The following ZNF20 variants were observed in gnomAD, a reference collection of about 807,000 sequenced individuals.
ZNF20 encodes the protein zinc finger protein 20, also known as zinc finger protein KOX13.
Under a neutral mutation model 11.0 loss-of-function variants are expected in ZNF20, and 9 were observed. The ratio of observed to expected loss-of-function variants is 0.82; its 90% CI spans 0.49 to 1.43. ZNF20 has a LOEUF of 1.43. Ranked by LOEUF, ZNF20 falls within the 40% of genes most tolerant of loss-of-function variation. The pLI is 0.00. For missense variants in ZNF20, 528 were observed against 640.8 expected (o/e 0.82, Z 1.90); for synonymous variants, 182 against 213.0 (o/e 0.85, Z 1.27).
Position 12,134,045 on chromosome 19 carries a change from C to T in ZNF20, c.201-60G>A, listed in dbSNP as rs979666549. On this transcript the variant is annotated intron_variant, in intron 3 of 3. Coordinates refer to ENST00000334213, the MANE Select transcript of ZNF20 (RefSeq NM_021143.4). ...TTTGATTAAAAGTGACTTATAGGGC[C>T]GGGCACAGTGGCTCACTCCTGTAAT... 67 of 1,438,582 alleles carry T rather than the reference C, an allele frequency of 4.7e-5. No individual in the cohort carries two copies. The African/African-American group carries it at 6.2e-4, about 13-fold the overall frequency. The allele number at this position is 1,438,582 out of a possible 1,614,324, so 89.1% of individuals were successfully genotyped here.
intron 1 of ZNF20, 148 bp from the exon 2 acceptor site, chr19:12,136,052 C>T: frequency 9.5e-7 from 1 of 1,050,756 alleles, no homozygotes; most frequent in Non-Finnish European, 1.3e-6. Flanking sequence ...TACTCACGTC[C>T]TCCCACAAAC....
Position 12,132,459 on chromosome 19 carries a change from A to C in ZNF20, c.*128T>G. 2 of 928,496 alleles carry C rather than the reference A, an allele frequency of 2.2e-6. No individual in the cohort carries two copies. The highest frequency in any genetic ancestry group is 3.2e-6 in the Non-Finnish European group (2 of 618,222). The allele number at this position is 928,496 out of a possible 1,614,324, so 57.5% of individuals were successfully genotyped here. ...AAGTTCTTCTAGATTTTATTGTCCTATCGCAAGTCTCTCTTCTCAATTCAA... is the reference window on the plus strand; with the variant it reads ...AAGTTCTTCTAGATTTTATTGTCCTCTCGCAAGTCTCTCTTCTCAATTCAA... On this transcript the variant is annotated 3_prime_UTR_variant, in exon 4 of 4. Transcript: ENST00000334213.
At position 12,132,988 on chromosome 19, in the gene ZNF20, A is replaced by G. The variant is rs1299363512; in HGVS notation, c.1198T>C (p.Cys400Arg). The change falls in exon 4 of 4, where the codon TGT becomes CGT. Residue 400 changes from cysteine (C) to arginine (R), a missense_variant. Transcript: ENST00000334213. Reference sequence around the variant, plus strand: ...GAAAAATACTTGAATACTTTTCCACATTCCTTACATTCATGGGGTTTCTCT... The same window carrying G: ...GAAAAATACTTGAATACTTTTCCACGTTCCTTACATTCATGGGGTTTCTCT... ...SGEKPHECKECGKVFKYFSSL... is the reference protein window; with the variant it reads ...SGEKPHECKERGKVFKYFSSL... The G allele has an allele frequency of 6.2e-7, 1 of 1,614,044 alleles. No homozygotes were observed. Among genetic ancestry groups the G allele is most frequent in the Non-Finnish European group, 8.5e-7 (1 of 1,179,946 alleles).
At chr19:12,136,268 C>T (rs1019247567) in intron 1 of ZNF20, among the ~76,000 whole-genome samples, 11 of 151,548 alleles carry the variant, frequency 7.3e-5, no homozygotes, top group African/African-American at 1.5e-4. Context: ...CCCAGCTACT[C>T]GGGAGGCTGA....
Position 12,133,964 on chromosome 19 carries a change from A to G in ZNF20, c.222T>C (p.Cys74=), listed in dbSNP as rs1976669476. ...RNLSLMREKL[C]ESKESHHCGE... is the part of the protein sequence containing the mutation. The stretch of plus-strand genomic sequence containing the variant: ...CACAGTGATGACTTTCTTTACTTTC[A>G]CAGAGTTTCTCTCTCATAAGACTTC... The change falls in exon 4 of 4, where the codon TGT becomes TGC. Residue 74 remains cysteine (C), a synonymous_variant. Transcript: ENST00000334213. 1 of 1,608,522 alleles carries G rather than the reference A, an allele frequency of 6.2e-7. No homozygotes were observed. Among genetic ancestry groups the G allele is most frequent in the Non-Finnish European group, 8.5e-7 (1 of 1,177,374 alleles).
intron 1 of ZNF20, among the ~76,000 whole-genome samples, 153 bp downstream of exon 1, chr19:12,140,027 C>G (rs1370756481): frequency 6.6e-6 from 1 of 152,158 alleles, no homozygotes; most frequent in Admixed American, 6.5e-5. Context: ...CCGCACCCTG[C>G]GGCCGAGGGG....
rs777273438 is a variant in ZNF20 at position 12,135,836 on chromosome 19, C to T, written c.72G>A (p.Leu24=). 1.9e-6 allele frequency: 3 copies of T among 1,614,112 alleles called. No individual in the cohort carries two copies. In the Admixed American group the frequency reaches 5.0e-5, roughly 27 times the overall value. The change falls in exon 2 of 4, where the codon CTG becomes CTA. Residue 24 remains leucine, a synonymous_variant. Transcript: ENST00000334213. ...TGTAGAGATTCTTCTGGGAAGGATC[C>T]AGCAAAGCCCACTCCTCCTGGGTGA... The part of the protein sequence containing the change: ...VSFTQEEWAL[L]DPSQKNLYRD...
At chr19:12,134,782 C>G (rs1976683820) in intron 3 of ZNF20, among the ~76,000 whole-genome samples, 1 of 152,100 alleles carries the variant, frequency 6.6e-6, no homozygotes, top group African/African-American at 2.4e-5. Flanking sequence ...ACAAGATGGT[C>G]TGGGTATATA....
At chr19:12,135,417 G>C (rs895519265) in intron 3 of ZNF20, 83 bp downstream of exon 3, 10 of 1,426,370 alleles carry the variant, frequency 7.0e-6, no homozygotes, top group Non-Finnish European at 8.9e-6. Context: ...TGGGATTACA[G>C]GCGTGAGCCA....
Position 12,132,516 on chromosome 19 carries a change from CTCTTT to C in ZNF20, c.*66_*70del, listed in dbSNP as rs1976638377. 14 of 1,460,976 alleles carry C rather than the reference CTCTTT, an allele frequency of 9.6e-6. No individual in the cohort carries two copies. Among genetic ancestry groups the C allele is most frequent in the Middle Eastern group, 1.8e-4 (1 of 5,502 alleles). 90.5% of individuals were successfully genotyped at this position (1,460,976 alleles called of 1,614,324 possible). On this transcript the variant is annotated 3_prime_UTR_variant, in exon 4 of 4. Coordinates refer to ENST00000334213, the MANE Select transcript of ZNF20 (RefSeq NM_021143.4). ...GTTATCCAGAGGTTCTTTCACCACT[CTCTTT>C]TCTTGTGTTTCAAAGGAAGTGGGAC...
chr19:12,136,735 G>C (rs537094821), intron 1 of ZNF20: 2 of 277,794 alleles, frequency 7.2e-6, no homozygotes, highest in Non-Finnish European at 1.4e-5. Context: ...CTAATCAAGA[G>C]AAAATGGTAT....
intron 1 of ZNF20, among the ~76,000 whole-genome samples, chr19:12,138,570 T>A (rs1976749624): frequency 6.6e-6 from 1 of 152,028 alleles, no homozygotes; most frequent in Admixed American, 6.6e-5. Flanking sequence ...CTCTATTCTA[T>A]GTGAAATGTT....
At position 12,135,579 on chromosome 19, in the gene ZNF20, G is replaced by A; in HGVS notation, c.140-19C>T. 6.2e-7 allele frequency: 1 copy of A among 1,610,426 alleles called. No homozygotes were observed. Among genetic ancestry groups the A allele is most frequent in the Non-Finnish European group, 8.5e-7 (1 of 1,178,906 alleles). On this transcript the variant is annotated intron_variant, in intron 2 of 3. Coordinates refer to ENST00000334213, the MANE Select transcript of ZNF20 (RefSeq NM_021143.4). ...GTTTTTCCTAAAACACAGACCCGGA[G>A]AAAACACAGATCCAGAATTAGTATG...
chr19:12,138,603 TAAAA>T (rs1224462505), intron 1 of ZNF20, among the ~76,000 whole-genome samples: 1 of 152,090 alleles, frequency 6.6e-6, no homozygotes, highest in African/African-American at 2.4e-5. Context: ...ACAAATATTT[TAAAA>T]AAAGTTATCC....
rs776799535 is a variant in ZNF20, at chr19:12,133,570, T to C, written c.616A>G (p.Lys206Glu). ...DGPYKCKFCG[K>E]AFYFLNLCLI... ...CATAAATTGAGAAAATAGAAGGCTTTCCCACAAAACTTACATTTATAAGGT... is the reference window on the plus strand; with the variant it reads ...CATAAATTGAGAAAATAGAAGGCTTCCCCACAAAACTTACATTTATAAGGT... The change falls in exon 4 of 4, where the codon AAA (lysine) becomes GAA (glutamate). Residue 206 changes from lysine to glutamate, a missense_variant. Physicochemically the swap from Lys to Glu is moderately conservative, Grantham distance 56. Transcript: ENST00000334213. The C allele has an allele frequency of 6.2e-7, 1 of 1,614,200 alleles. No homozygotes were observed. The highest frequency in any genetic ancestry group is 1.1e-5 in the South Asian group (1 of 91,082).
Position 12,135,526 on chromosome 19 carries a change from C to T in ZNF20, c.174G>A (p.Glu58=), listed in dbSNP as rs779254968. The change falls in exon 3 of 4, where the codon GAG becomes GAA. Residue 58 remains glutamate (E), a synonymous_variant. Coordinates refer to ENST00000334213, the MANE Select transcript of ZNF20 (RefSeq NM_021143.4). ...KTWKVQNIED[E]YKNPRRNLSL... is the part of the protein sequence containing the mutation. ...TTAGATTTCTCCTGGGATTTTTGTA[C>T]TCATCTTCAATGTTCTGAACTTTCC... 6.2e-7 allele frequency: 1 copy of T among 1,613,702 alleles called. No homozygotes were observed. Among genetic ancestry groups the T allele is most frequent in the Non-Finnish European group, 8.5e-7 (1 of 1,179,826 alleles).
intron 1 of ZNF20, chr19:12,137,246 G>A (rs1204856078): frequency 6.6e-6 from 1 of 151,630 alleles, no homozygotes; most frequent in African/African-American, 2.4e-5. Flanking sequence ...CGGTTGCAGT[G>A]AGCTGAGAGA....
At chr19:12,136,197 A>T (rs1220484235) in intron 1 of ZNF20, among the ~76,000 whole-genome samples, 1 of 151,506 alleles carries the variant, frequency 6.6e-6, no homozygotes, top group Non-Finnish European at 1.5e-5. Context: ...GCCAACATGG[A>T]GAAACCCGTC....
At position 12,133,836 on chromosome 19, in the gene ZNF20, T is replaced by A; in HGVS notation, c.350A>T (p.His117Leu). Residue 117 changes from histidine to leucine, a missense_variant, in exon 4 of 4, where the codon CAT (histidine) becomes CTT (leucine). Transcript: ENST00000334213. Reference sequence around the variant, plus strand: ...TCTGATATGCGTATTAAGAGATGAATGACCCGTGCCAACTTCTCCACACAC... The same window carrying A: ...TCTGATATGCGTATTAAGAGATGAAAGACCCGTGCCAACTTCTCCACACAC... ...SSVCGEVGTG[H>L]SSLNTHIRAD... 1 of 1,614,242 alleles carries A rather than the reference T, an allele frequency of 6.2e-7. No individual in the cohort carries two copies. The highest frequency in any genetic ancestry group is 8.5e-7 in the Non-Finnish European group (1 of 1,180,044).
Sources: allele counts gnomAD v4.1 joint callset (sites outside exome capture counted in the v4.1 genomes callset), GRCh38; gene constraint gnomAD v4.1.1; transcripts MANE v1.5; gene names NCBI Gene and HGNC (gene_info 2026-07-23, HGNC 2026-07-21).